PLCL1: variants seen among roughly 807,000 people sequenced by gnomAD.
PLCL1 encodes inactive phospholipase C-like protein 1.
PLCL1 carries 41 observed loss-of-function variants against 84.4 expected under a neutral mutation model. The observed-to-expected ratio is 0.49, with a 90% CI of 0.38 to 0.63. The LOEUF is 0.63. PLCL1 is among the 30% of genes least tolerant of loss of function. PLCL1 has a pLI of 0.00. For synonymous variants in PLCL1, 490 were observed against 488.3 expected, an observed-to-expected ratio of 1.00 and a Z score of -0.05; for missense variants, 1,206 against 1,367.8, an observed-to-expected ratio of 0.88 and a Z score of 1.87.
intron 1 of PLCL1, among the ~76,000 whole-genome samples, chr2:197,935,397 G>A (rs1313779375): frequency 6.6e-6 from 1 of 152,090 alleles, no homozygotes; most frequent in Non-Finnish European, 1.5e-5. Context: ...AGAAAATGTG[G>A]TGCATAGACA....
intron 5 of PLCL1, among the ~76,000 whole-genome samples, chr2:198,138,925 G>A (rs1042108025): frequency 6.6e-5 from 10 of 152,100 alleles, no homozygotes; most frequent in African/African-American, 1.7e-4. Flanking sequence ...GGAGGCCAAG[G>A]CAGGTGGATC....
chr2:197,903,649 ATTTTTTTTTTTTTTTTT>A (rs11295926), intron 1 of PLCL1, among the ~76,000 whole-genome samples: 1 of 72,436 alleles, frequency 1.4e-5, no homozygotes, highest in Non-Finnish European at 2.5e-5. Flanking sequence ...ACGCCCAGCT[ATTTTTTTTTTTTTTTTT>A]TTTTTTTTTT....
chr2:197,966,841 A>G (rs1389518780), intron 1 of PLCL1, among the ~76,000 whole-genome samples: 2 of 142,186 alleles, frequency 1.4e-5, no homozygotes, highest in African/African-American at 5.3e-5. Context: ...CTCCATCCAT[A>G]CTAATTTTTT....
At chr2:197,868,265 T>C (rs1687584660) in intron 1 of PLCL1, among the ~76,000 whole-genome samples, 1 of 152,154 alleles carries the variant, frequency 6.6e-6, no homozygotes, top group African/African-American at 2.4e-5. Context: ...TTTACTGAAA[T>C]GTGAGCTATT....
intron 1 of PLCL1, among the ~76,000 whole-genome samples, chr2:197,983,190 C>CT (rs1445206643): frequency 1.5e-5 from 1 of 66,082 alleles, no homozygotes; most frequent in African/African-American, 5.3e-5. Context: ...TTTTCTTTTT[C>CT]TTTTCTTTTC....
intron 1 of PLCL1, among the ~76,000 whole-genome samples, chr2:198,012,356 T>C (rs969321441): frequency 3.3e-5 from 5 of 152,124 alleles, no homozygotes; most frequent in Non-Finnish European, 7.4e-5. Flanking sequence ...GCACTCCTAA[T>C]ATATCCTACA....
At chr2:197,919,826 G>A (rs1322751093) in intron 1 of PLCL1, among the ~76,000 whole-genome samples, 1 of 152,194 alleles carries the variant, frequency 6.6e-6, no homozygotes, top group Non-Finnish European at 1.5e-5. Context: ...GATGACCTGT[G>A]TTGACCTTGA....
rs977907799 is a variant in PLCL1 at position 197,857,982 on chromosome 2, G to A, written c.240+52643G>A. On this transcript the variant is annotated intron_variant, in intron 1 of 5. Transcript: ENST00000428675. ...CTTCATCTAATCAGAGAAATGGACA[G>A]GAAACCAGGCCCTCTTACTCCTACA... Among the ~76,000 whole-genome samples the A allele has an allele frequency of 2.0e-5, 3 of 152,128 alleles. No homozygotes were observed. In the East Asian group the frequency reaches 5.8e-4, roughly 29 times the overall value.
intron 5 of PLCL1, among the ~76,000 whole-genome samples, chr2:198,110,118 C>T (rs1023454001): frequency 3.3e-5 from 5 of 151,786 alleles, no homozygotes; most frequent in African/African-American, 1.2e-4. Flanking sequence ...ACTATTACCT[C>T]TTCAATGGTC....
intron 5 of PLCL1, among the ~76,000 whole-genome samples, chr2:198,109,434 T>C (rs973779793): frequency 6.6e-6 from 1 of 151,850 alleles, no homozygotes; most frequent in African/African-American, 2.4e-5. Context: ...ATTCAAACTA[T>C]AGACATTTGG....
intron 1 of PLCL1, among the ~76,000 whole-genome samples, chr2:197,979,554 GT>G (rs761697429): frequency 1.4e-4 from 22 of 152,246 alleles, no homozygotes; most frequent in Admixed American, 4.6e-4. Flanking sequence ...ATCATCTCTG[GT>G]GGGGCCACTT....
At chr2:198,040,075 T>A (rs1691624798) in intron 1 of PLCL1, among the ~76,000 whole-genome samples, 1 of 152,224 alleles carries the variant, frequency 6.6e-6, no homozygotes, top group Non-Finnish European at 1.5e-5. Context: ...TACGACTTGA[T>A]ACCAAATCCA....
chr2:198,110,981 A>G (rs1210538059), intron 5 of PLCL1, among the ~76,000 whole-genome samples: 1 of 151,814 alleles, frequency 6.6e-6, no homozygotes, highest in Non-Finnish European at 1.5e-5. Flanking sequence ...ATAATAAACC[A>G]TCCTTAATAT....
intron 1 of PLCL1, among the ~76,000 whole-genome samples, chr2:198,072,577 G>A (rs190816530): frequency 1.3e-5 from 2 of 151,920 alleles, no homozygotes; most frequent in Admixed American, 6.5e-5. Context: ...ATGAGAATGC[G>A]TCTAAATCTT....
intron 1 of PLCL1, among the ~76,000 whole-genome samples, chr2:197,837,564 T>G (rs563894463): frequency 6.6e-6 from 1 of 152,068 alleles, no homozygotes; most frequent in African/African-American, 2.4e-5. Flanking sequence ...AAAATCCAAC[T>G]TGGCTAAGCT....
chr2:197,844,121 A>G (rs964430886), intron 1 of PLCL1, among the ~76,000 whole-genome samples: 1 of 152,134 alleles, frequency 6.6e-6, no homozygotes, highest in Non-Finnish European at 1.5e-5. Context: ...TGGCAAGTAA[A>G]CTTTTATTTG....
chr2:197,974,709 G>A (rs1029044405), intron 1 of PLCL1, among the ~76,000 whole-genome samples: 12 of 152,224 alleles, frequency 7.9e-5, no homozygotes, highest in Non-Finnish European at 1.6e-4. Context: ...CTAAGCTCAT[G>A]GCTTTATTCT....
chr2:198,017,974 G>C (rs1691037231), intron 1 of PLCL1, among the ~76,000 whole-genome samples: 1 of 152,190 alleles, frequency 6.6e-6, no homozygotes. Flanking sequence ...CTGGTCTGCA[G>C]CTCCCAGTGA....
At chr2:197,890,477 T>A (rs1473158581) in intron 1 of PLCL1, among the ~76,000 whole-genome samples, 1 of 152,024 alleles carries the variant, frequency 6.6e-6, no homozygotes, top group African/African-American at 2.4e-5. Flanking sequence ...ACAGCATTTA[T>A]TCCCTAAGCA....
Sources: gnomAD v4.1 joint callset for allele counts (sites outside exome capture counted in the v4.1 genomes callset) on GRCh38, gnomAD v4.1.1 for gene constraint, MANE v1.5 for transcripts, NCBI Gene and HGNC (gene_info 2026-07-23, HGNC 2026-07-21) for gene names.